CDC42BPA: variants seen among roughly 807,000 people sequenced by gnomAD.
The protein encoded by CDC42BPA is serine/threonine-protein kinase MRCK alpha.
CDC42BPA carries 80 observed loss-of-function variants against 223.5 expected under a neutral mutation model. The ratio of observed to expected loss-of-function variants is 0.36; its 90% CI spans 0.30 to 0.43. The LOEUF (loss-of-function observed/expected upper bound fraction) is 0.43, where lower values mean the gene tolerates loss of function less well. Among genes scored for constraint, CDC42BPA ranks in the 20% least tolerant of loss-of-function variants. CDC42BPA has a pLI of 1.00. For synonymous variants in CDC42BPA, 694 were observed against 718.6 expected, an observed-to-expected ratio of 0.97 and a Z score of 0.55; for missense variants, 1,743 against 2,099.9, an observed-to-expected ratio of 0.83 and a Z score of 3.32.
intron 17 of CDC42BPA, among the ~76,000 whole-genome samples, chr1:227,080,116 T>C (rs1198661338): frequency 3.3e-5 from 5 of 152,102 alleles, no homozygotes; most frequent in Non-Finnish European, 5.9e-5. Flanking sequence ...TTTTGAAGCA[T>C]TTCAGATTTC....
chr1:227,129,702 CATAT>C lies in CDC42BPA; in HGVS notation c.1391-475_1391-472del, dbSNP rs1196658904. ...AAAAAAAAAAAAAAAAAATCCACTG[CATAT>C]ATATATATACAAAAGAATCCACCTT... On this transcript the variant is annotated intron_variant, in intron 10 of 36. Coordinates refer to ENST00000366766, the MANE Select transcript of CDC42BPA (RefSeq NM_001394014.1). Among the ~76,000 whole-genome samples the C allele has an allele frequency of 7.4e-3, 522 of 70,940 alleles. 27 individuals are homozygous for C. The highest frequency in any genetic ancestry group is 0.028 in the African/African-American group (503 of 17,862). 46.5% of individuals were successfully genotyped at this position (70,940 alleles called of 152,430 possible).
At chr1:227,074,438 C>A in intron 17 of CDC42BPA, 74 bp from the exon 18 acceptor site, 1 of 1,067,084 alleles carries the variant, frequency 9.4e-7, no homozygotes, top group Non-Finnish European at 1.4e-6. Flanking sequence ...TTTAAAGCTT[C>A]CTAAAGAAAT....
chr1:227,002,327 A>G (rs1558254031), intron 35 of CDC42BPA, among the ~76,000 whole-genome samples: 1 of 152,272 alleles, frequency 6.6e-6, no homozygotes, highest in Non-Finnish European at 1.5e-5. Context: ...AAAGATTAAT[A>G]AAAGTGGTTG....
rs1045287 is a variant in CDC42BPA, at chr1:226,991,261, T to C, written c.*3007A>G. 0.38 allele frequency: 57,530 copies of C among 152,322 alleles called. 11,521 individuals are homozygous for C. The highest frequency in any genetic ancestry group is 0.46 in the Non-Finnish European group (31,307 of 67,948). 9.4% of individuals were successfully genotyped at this position (152,322 alleles called of 1,614,324 possible). ...ATTGAGAAACAGGTTTCTGCTGCCATATACGTTTTTAAAATGTCCTGCATG... is the reference window on the plus strand; with the variant it reads ...ATTGAGAAACAGGTTTCTGCTGCCACATACGTTTTTAAAATGTCCTGCATG... On this transcript the variant is annotated 3_prime_UTR_variant, in exon 37 of 37. Transcript: ENST00000366766.
chr1:227,003,399 C>G (rs1335622214), intron 35 of CDC42BPA, among the ~76,000 whole-genome samples: 1 of 152,150 alleles, frequency 6.6e-6, no homozygotes, highest in East Asian at 1.9e-4. Context: ...GTACCATGCT[C>G]CCGGGAAAGC....
intron 18 of CDC42BPA, 90 bp from the exon 19 acceptor site, chr1:227,074,102 A>G: frequency 1.4e-6 from 2 of 1,462,032 alleles, no homozygotes; most frequent in South Asian, 1.2e-5. Flanking sequence ...GTTTTTCTAA[A>G]CTGGAAAAGA....
intron 35 of CDC42BPA, among the ~76,000 whole-genome samples, chr1:227,003,369 T>C (rs1460977604): frequency 6.6e-6 from 1 of 152,128 alleles, no homozygotes; most frequent in Non-Finnish European, 1.5e-5. Context: ...CGATCGACAC[T>C]CTCTCTGATC....
chr1:227,293,907 C>T (rs1186576974), intron 1 of CDC42BPA, among the ~76,000 whole-genome samples: 23 of 152,112 alleles, frequency 1.5e-4, no homozygotes, highest in Admixed American at 1.5e-3. Context: ...AATAAAATGA[C>T]ATTTAATCAT....
intron 14 of CDC42BPA, among the ~76,000 whole-genome samples, chr1:227,101,720 A>T (rs1685086704): frequency 6.6e-6 from 1 of 152,188 alleles, no homozygotes; most frequent in South Asian, 2.1e-4. Flanking sequence ...AACCTTTTGC[A>T]ATAGTCCTGT....
intron 21 of CDC42BPA, among the ~76,000 whole-genome samples, chr1:227,061,050 G>C (rs942986844): frequency 6.6e-6 from 1 of 152,064 alleles, no homozygotes; most frequent in Non-Finnish European, 1.5e-5. Flanking sequence ...ATAGGAAATG[G>C]AATGGAAGAT....
intron 17 of CDC42BPA, among the ~76,000 whole-genome samples, chr1:227,078,861 G>A (rs1468792478): frequency 1.3e-5 from 2 of 152,060 alleles, no homozygotes; most frequent in Non-Finnish European, 2.9e-5. Context: ...AATCTGAAAT[G>A]CCTCCAAATC....
chr1:227,137,174 T>C (rs56221899), intron 10 of CDC42BPA, among the ~76,000 whole-genome samples: 10,640 of 152,086 alleles, frequency 0.07, 505 homozygotes, highest in Non-Finnish European at 0.1. Flanking sequence ...GAAAAAGATA[T>C]ATAAAGACCT....
At chr1:227,165,481 A>G (rs549303911) in intron 5 of CDC42BPA, among the ~76,000 whole-genome samples, 60 of 152,346 alleles carry the variant, frequency 3.9e-4, no homozygotes, top group African/African-American at 1.4e-3. Context: ...CTGAAAACAA[A>G]TTTGAGCCTA....
chr1:227,107,962 C>T (rs1572855286), intron 14 of CDC42BPA, among the ~76,000 whole-genome samples: 1 of 151,962 alleles, frequency 6.6e-6, no homozygotes, highest in East Asian at 1.9e-4. Context: ...TTATTTGCAA[C>T]ATCTCTCTCT....
chr1:227,113,681 A>G (rs1446171506), intron 12 of CDC42BPA, among the ~76,000 whole-genome samples: 2 of 152,112 alleles, frequency 1.3e-5, no homozygotes, highest in African/African-American at 4.8e-5. Flanking sequence ...AAAATGACCA[A>G]GCAGATTTAT....
At chr1:227,114,653 T>A (rs973901162) in intron 12 of CDC42BPA, among the ~76,000 whole-genome samples, 1 of 152,272 alleles carries the variant, frequency 6.6e-6, no homozygotes, top group Non-Finnish European at 1.5e-5. Flanking sequence ...GTAATACAGC[T>A]TGAATAATCC....
intron 2 of CDC42BPA, among the ~76,000 whole-genome samples, chr1:227,237,780 C>T (rs1211241918): frequency 1.3e-5 from 2 of 150,504 alleles, no homozygotes; most frequent in African/African-American, 4.9e-5. Flanking sequence ...GGGGCTCATG[C>T]CTGTAATCCC....
In CDC42BPA at chr1:227,069,845, G is replaced by A; in HGVS notation, c.2836C>T (p.His946Tyr). Residue 946 changes from histidine to tyrosine, a missense_variant, in exon 21 of 37, where the codon CAC becomes TAC. Transcript: ENST00000366766. The part of the protein sequence containing the change: ...EELRSEKGIE[H>Y]QDSQHSFLAF... ...AAGAAAGAATGCTGTGAGTCTTGGTGCTCTATACCTAGAAGACAGCAGCAA... is the reference window on the plus strand; with the variant it reads ...AAGAAAGAATGCTGTGAGTCTTGGTACTCTATACCTAGAAGACAGCAGCAA... 1 of 1,609,538 alleles carries A rather than the reference G, an allele frequency of 6.2e-7. No individual in the cohort carries two copies. Among genetic ancestry groups the A allele is most frequent in the Non-Finnish European group, 8.5e-7 (1 of 1,176,450 alleles).
chr1:227,099,644 T>C (rs568315602), intron 15 of CDC42BPA, among the ~76,000 whole-genome samples: 17 of 152,210 alleles, frequency 1.1e-4, no homozygotes, highest in South Asian at 2.1e-4. Flanking sequence ...TCTTTTCCCA[T>C]CATTCTACTT....
Sources: gnomAD v4.1 joint callset for allele counts (sites outside exome capture counted in the v4.1 genomes callset) on GRCh38, gnomAD v4.1.1 for gene constraint, MANE v1.5 for transcripts, NCBI Gene and HGNC (gene_info 2026-07-23, HGNC 2026-07-21) for gene names.